The following TAF1B variants were observed in gnomAD, a reference collection of about 807,000 sequenced individuals.
TAF1B encodes the protein TATA-box binding protein associated factor, RNA polymerase I subunit B, also known as TATA box-binding protein-associated factor RNA polymerase I subunit B.
In TAF1B, 61 loss-of-function variants were observed where a neutral mutation model predicts 83.9. The ratio of observed to expected loss-of-function variants is 0.73; its 90% confidence interval spans 0.59 to 0.90. TAF1B has a LOEUF of 0.90. TAF1B is among the 40% of genes least tolerant of loss of function. The pLI is 0.00. For missense variants in TAF1B, 625 were observed against 677.0 expected (o/e 0.92, Z 0.85); for synonymous variants, 221 against 224.6 (o/e 0.98, Z 0.14).
chr2:9,908,938 C>T (rs1665433359), intron 9 of TAF1B, among the ~76,000 whole-genome samples: 1 of 152,198 alleles, frequency 6.6e-6, no homozygotes, highest in African/African-American at 2.4e-5. Context: ...GTACCCAGAA[C>T]ACACTAGTTG....
At chr2:9,932,760 C>T (rs1028357706) in intron 14 of TAF1B, among the ~76,000 whole-genome samples, 6 of 152,242 alleles carry the variant, frequency 3.9e-5, no homozygotes, top group Non-Finnish European at 7.3e-5. Flanking sequence ...TTTTGTTCAG[C>T]TGTGTGCTGC....
chr2:9,859,278 C>T (rs1437412830), intron 5 of TAF1B, among the ~76,000 whole-genome samples: 2 of 152,076 alleles, frequency 1.3e-5, no homozygotes, highest in African/African-American at 4.8e-5. Context: ...CCACCAGTCT[C>T]TTTGCTGAAA....
chr2:9,848,531 TGG>T (rs1223595887), intron 2 of TAF1B, among the ~76,000 whole-genome samples: 1 of 152,162 alleles, frequency 6.6e-6, no homozygotes, highest in South Asian at 2.1e-4. Context: ...CCAGGCGTGA[TGG>T]CGCATGCCTT....
intron 8 of TAF1B, among the ~76,000 whole-genome samples, chr2:9,892,090 A>T (rs1048344202): frequency 6.6e-6 from 1 of 152,230 alleles, no homozygotes; most frequent in African/African-American, 2.4e-5. Flanking sequence ...ATTCATGGTA[A>T]GTGCCCTATA....
intron 5 of TAF1B, among the ~76,000 whole-genome samples, chr2:9,863,781 AG>A (rs1343604747): frequency 4.6e-5 from 7 of 152,216 alleles, no homozygotes; most frequent in African/African-American, 1.7e-4. Context: ...CTAGAACTCA[AG>A]ATTAAGAAAC....
chr2:9,878,660 A>G (rs549608774), intron 7 of TAF1B, among the ~76,000 whole-genome samples: 3 of 152,282 alleles, frequency 2.0e-5, no homozygotes, highest in Non-Finnish European at 4.4e-5. Flanking sequence ...TTCATTCTGT[A>G]AATTTGTATT....
intron 8 of TAF1B, among the ~76,000 whole-genome samples, chr2:9,902,490 T>C (rs149701885): frequency 6.6e-6 from 1 of 152,340 alleles, no homozygotes; most frequent in African/African-American, 2.4e-5. Flanking sequence ...TTATACTTTA[T>C]ATAACTGGAA....
intron 14 of TAF1B, among the ~76,000 whole-genome samples, chr2:9,921,026 A>G (rs372290509): frequency 6.6e-6 from 1 of 151,956 alleles, no homozygotes; most frequent in Non-Finnish European, 1.5e-5. Flanking sequence ...CTGCCTTCTT[A>G]TTTTTGCTTT....
At position 9,868,393 on chromosome 2, in the gene TAF1B, C is replaced by G. The variant is rs11540127; in HGVS notation, c.517C>G (p.Arg173Gly). ...GAESQSDIHT[R>G]KPFPVSKASQ... ...GGAGTCTCAGTCTGACATCCACACT[C>G]GAAAACCTTTCCCCGTCAGCAAAGC... Residue 173 changes from arginine (R) to glycine (G), a missense_variant, in exon 6 of 15, where the codon CGA becomes GGA. Arg to Gly is a moderately radical substitution (Grantham distance 125). Transcript: ENST00000263663. 9.9e-6 allele frequency: 16 copies of G among 1,613,460 alleles called. No homozygotes were observed. The highest frequency in any genetic ancestry group is 5.3e-5 in the African/African-American group (4 of 74,864).
At position 9,868,395 on chromosome 2, in the gene TAF1B, A is replaced by G. The variant is rs1487844115; in HGVS notation, c.519A>G (p.Arg173=). ...GAESQSDIHT[R]KPFPVSKASQ... ...AGTCTCAGTCTGACATCCACACTCG[A>G]AAACCTTTCCCCGTCAGCAAAGCAT... is the stretch of plus-strand genomic sequence containing the variant. The change falls in exon 6 of 15, where the codon CGA becomes CGG. Residue 173 remains arginine, a synonymous_variant. Coordinates refer to ENST00000263663, the MANE Select transcript of TAF1B (RefSeq NM_005680.3). 2.5e-6 allele frequency: 4 copies of G among 1,613,724 alleles called. No individual in the cohort carries two copies. Among genetic ancestry groups the G allele is most frequent in the East Asian group, 4.5e-5 (2 of 44,868 alleles).
At chr2:9,913,337 A>C in intron 12 of TAF1B, 88 bp downstream of exon 12, 1 of 1,025,278 alleles carries the variant, frequency 9.8e-7, no homozygotes. Flanking sequence ...ATCAGTATAC[A>C]CTTATCTACA....
chr2:9,878,796 A>G (rs1159116009), intron 7 of TAF1B, among the ~76,000 whole-genome samples: 1 of 152,228 alleles, frequency 6.6e-6, no homozygotes, highest in African/African-American at 2.4e-5. Flanking sequence ...AAACACATAC[A>G]TATGGTTGGT....
chr2:9,843,550 C>A lies in TAF1B; in HGVS notation c.9C>A (p.Leu3=), dbSNP rs773396688. The part of the protein sequence containing the change: MD[L]EEAEEFKERC... Reference sequence around the variant, plus strand: ...GCTCCCGCGGCGCCGCGATGGACCTCGAGGAGGCGGTAAGGAGGCGGTGCA... The same window carrying A: ...GCTCCCGCGGCGCCGCGATGGACCTAGAGGAGGCGGTAAGGAGGCGGTGCA... Residue 3 remains leucine (L), a synonymous_variant, in exon 1 of 15, where the codon CTC becomes CTA. Coordinates refer to ENST00000263663, the MANE Select transcript of TAF1B (RefSeq NM_005680.3). 1 of 1,528,604 alleles carries A rather than the reference C, an allele frequency of 6.5e-7. No individual in the cohort carries two copies. Among genetic ancestry groups the A allele is most frequent in the Non-Finnish European group, 8.8e-7 (1 of 1,135,732 alleles). The allele number at this position is 1,528,604 out of a possible 1,614,324, so 94.7% of individuals were successfully genotyped here.
intron 5 of TAF1B, among the ~76,000 whole-genome samples, chr2:9,863,251 G>T (rs1663840423): frequency 6.6e-6 from 1 of 152,288 alleles, no homozygotes; most frequent in South Asian, 2.1e-4. Flanking sequence ...GATGGAGGAA[G>T]ATCTACCAAG....
chr2:9,921,967 A>T (rs751316352), intron 14 of TAF1B, among the ~76,000 whole-genome samples: 2 of 152,210 alleles, frequency 1.3e-5, no homozygotes, highest in Non-Finnish European at 2.9e-5. Context: ...ATATTCCCTC[A>T]CTAAAGTTCT....
intron 1 of TAF1B, 143 bp downstream of exon 1, chr2:9,843,702 C>T: frequency 2.1e-6 from 2 of 970,486 alleles, no homozygotes; most frequent in Non-Finnish European, 2.9e-6. Context: ...GCAGGGCGGG[C>T]TAAGGACTGG....
chr2:9,883,801 A>T (rs1664580642), intron 8 of TAF1B, among the ~76,000 whole-genome samples: 1 of 152,236 alleles, frequency 6.6e-6, no homozygotes, highest in Admixed American at 6.5e-5. Context: ...GGCAAAGCTG[A>T]TAGAGCCCCT....
intron 6 of TAF1B, among the ~76,000 whole-genome samples, chr2:9,869,293 C>T (rs936142187): frequency 1.3e-5 from 2 of 152,034 alleles, no homozygotes; most frequent in South Asian, 2.1e-4. Flanking sequence ...GGTGCAATCT[C>T]GGCTCACTGC....
At chr2:9,904,627 G>A (rs1158257714) in intron 8 of TAF1B, among the ~76,000 whole-genome samples, 1 of 152,196 alleles carries the variant, frequency 6.6e-6, no homozygotes, top group African/African-American at 2.4e-5. Flanking sequence ...TTGCTGGCTT[G>A]AATGGCAGCT....
Sources: allele counts gnomAD v4.1 joint callset (sites outside exome capture counted in the v4.1 genomes callset), GRCh38; gene constraint gnomAD v4.1.1; transcripts MANE v1.5; gene names NCBI Gene and HGNC (gene_info 2026-07-23, HGNC 2026-07-21).